KMT2E: variants seen among roughly 807,000 people sequenced by gnomAD.
KMT2E encodes the protein lysine methyltransferase 2E (inactive).
KMT2E carries 30 observed loss-of-function variants against 184.6 expected under a neutral mutation model. The observed-to-expected ratio is 0.16, with a 90% CI of 0.12 to 0.22. KMT2E has a LOEUF of 0.22. Among genes scored for constraint, KMT2E ranks in the 10% least tolerant of loss-of-function variants. The probability of loss-of-function intolerance (pLI) is 1.00; values close to 1 mark genes in which losing one functional copy is unlikely to be tolerated. For missense variants in KMT2E, 2,023 were observed against 2,237.4 expected, an observed-to-expected ratio of 0.90 and a Z score of 1.93; for synonymous variants, 815 against 776.5, an observed-to-expected ratio of 1.05 and a Z score of -0.82.
At chr7:105,060,034 C>G (rs527446778) in intron 3 of KMT2E, among the ~76,000 whole-genome samples, 1 of 105,930 alleles carries the variant, frequency 9.4e-6, no homozygotes, top group Non-Finnish European at 1.8e-5. Context: ...TTAACTCTGT[C>G]GCCCAGGCTG....
At chr7:105,031,013 TAGA>T (rs1407398792) in intron 1 of KMT2E, among the ~76,000 whole-genome samples, 3 of 152,106 alleles carry the variant, frequency 2.0e-5, no homozygotes, top group Non-Finnish European at 4.4e-5. Flanking sequence ...AAAGCATACT[TAGA>T]AGGAGATAGA....
chr7:105,070,318 A>C (rs143538250), intron 6 of KMT2E, among the ~76,000 whole-genome samples: 5 of 152,144 alleles, frequency 3.3e-5, no homozygotes, highest in African/African-American at 1.2e-4. Context: ...ATGTAGAAGT[A>C]ATCAGTAATT....
At chr7:105,079,030 C>T (rs779520943) in intron 12 of KMT2E, 67 bp downstream of exon 12, 2 of 831,494 alleles carry the variant, frequency 2.4e-6, no homozygotes, top group Non-Finnish European at 4.2e-6. Flanking sequence ...GAGCAATAAG[C>T]ACAAAACTCA....
chr7:105,063,936 A>T, intron 5 of KMT2E: 1 of 454,116 alleles, frequency 2.2e-6, no homozygotes, highest in Non-Finnish European at 4.4e-6. Flanking sequence ...GTGCTTAGTC[A>T]ACTGTGATTT....
chr7:105,101,385 A>G (rs769090506), intron 15 of KMT2E, 40 bp from the exon 16 acceptor site: 2 of 1,365,884 alleles, frequency 1.5e-6, no homozygotes, highest in Non-Finnish European at 2.0e-6. Flanking sequence ...ACTTTTGAGC[A>G]TTGATATTTA....
intron 17 of KMT2E, chr7:105,103,608 T>C (rs1435617223): frequency 6.6e-6 from 1 of 152,130 alleles, no homozygotes; most frequent in Non-Finnish European, 1.5e-5. Context: ...CTCCTGGCAG[T>C]CTGGCTCCAG....
intron 13 of KMT2E, among the ~76,000 whole-genome samples, chr7:105,087,017 A>G (rs1251481568): frequency 6.8e-6 from 1 of 146,946 alleles, no homozygotes; most frequent in Non-Finnish European, 1.5e-5. Flanking sequence ...GCAAATATAT[A>G]GCATATAATA....
intron 7 of KMT2E, 116 bp downstream of exon 7, chr7:105,073,793 G>C (rs1797425167): frequency 1.5e-6 from 1 of 651,354 alleles, no homozygotes; most frequent in African/African-American, 1.8e-5. Flanking sequence ...CCTTGTTGAT[G>C]AATGTTGATT....
At position 105,025,481 on chromosome 7, in the gene KMT2E, T is replaced by TC. The variant is rs1795141270; in HGVS notation, c.-189+10946_-189+10947insC. ...GATCACTATTTATAGTTTATGTATT[T>TC]TTTTCTAAAATGTTTTATGTAGGTA... On this transcript the variant is annotated intron_variant, in intron 1 of 26. Transcript: ENST00000311117. 4.6e-5 allele frequency among the ~76,000 whole-genome samples: 7 copies of TC among 152,186 alleles called. No individual in the cohort carries two copies. The South Asian group carries it at 1.4e-3, about 32-fold the overall frequency.
At chr7:105,075,578 AAT>A (rs1348361722) in intron 8 of KMT2E, among the ~76,000 whole-genome samples, 1 of 152,124 alleles carries the variant, frequency 6.6e-6, no homozygotes, top group Non-Finnish European at 1.5e-5. Flanking sequence ...TTTTATCAGA[AAT>A]ATTTTTCCAC....
chr7:105,025,888 A>G (rs1467784673), intron 1 of KMT2E, among the ~76,000 whole-genome samples: 1 of 152,208 alleles, frequency 6.6e-6, no homozygotes, highest in African/African-American at 2.4e-5. Context: ...GAAATCTAGA[A>G]GGAAGTCTAC....
At position 105,102,069 on chromosome 7, in the gene KMT2E, AATG is replaced by A. The variant is rs1480987782; in HGVS notation, c.2074_2076del (p.Asp692del). The stretch of plus-strand genomic sequence containing the variant: ...TGATATAGAAGTTACTTCACAACAA[AATG>A]ATATTGAAAATACTGTACTTACAAT... On this transcript the variant is annotated inframe_deletion, in exon 17 of 27. Transcript: ENST00000311117. 2 of 1,613,814 alleles carry A rather than the reference AATG, an allele frequency of 1.2e-6. No homozygotes were observed. Among genetic ancestry groups the A allele is most frequent in the African/African-American group, 2.7e-5 (2 of 74,916 alleles).
chr7:105,107,590 G>A lies in KMT2E; in HGVS notation c.3133G>A (p.Asp1045Asn). The A allele has an allele frequency of 6.2e-7, 1 of 1,614,112 alleles. No individual in the cohort carries two copies. Among genetic ancestry groups the A allele is most frequent in the Non-Finnish European group, 8.5e-7 (1 of 1,180,010 alleles). ...TAAAACCCTGGAAACGCCTGCACAT[G>A]ACAGGGCTGAGCCCAACAGCCAACT... ...LHKTLETPAHDRAEPNSQLDS... is the reference protein window; with the variant it reads ...LHKTLETPAHNRAEPNSQLDS... The change falls in exon 22 of 27, where the codon GAC becomes AAC. Residue 1045 changes from aspartate (D) to asparagine (N), a missense_variant. Physicochemically the swap from Asp to Asn is conservative, Grantham distance 23. Coordinates refer to ENST00000311117, the MANE Select transcript of KMT2E (RefSeq NM_182931.3).
intron 13 of KMT2E, among the ~76,000 whole-genome samples, chr7:105,083,592 G>T (rs1797844023): frequency 6.6e-6 from 1 of 152,158 alleles, no homozygotes; most frequent in Admixed American, 6.5e-5. Context: ...CAGCTTTATA[G>T]ATAAGGGCAG....
In KMT2E at chr7:105,112,016, C is replaced by T. The variant is rs763450733; in HGVS notation, c.4260C>T (p.His1420=). 66 of 1,614,060 alleles carry T rather than the reference C, an allele frequency of 4.1e-5. No individual in the cohort carries two copies. Among genetic ancestry groups the T allele is most frequent in the South Asian group, 7.7e-5 (7 of 91,080 alleles). The part of the protein sequence containing the change: ...ALSKNHPPQT[H]VRNSSEQLSQ... ...CAAAGAATCATCCTCCTCAGACACA[C>T]GTTCGTAATTCATCTGAGCAACTTT... The change falls in exon 27 of 27, where the codon CAC becomes CAT. Residue 1420 remains histidine (H), a synonymous_variant. Transcript: ENST00000311117.
intron 3 of KMT2E, among the ~76,000 whole-genome samples, chr7:105,048,888 A>G (rs766678392): frequency 1.1e-4 from 17 of 152,228 alleles, no homozygotes; most frequent in South Asian, 2.1e-4. Context: ...AATCTTGATA[A>G]TATACTGTTT....
Position 105,106,007 on chromosome 7 carries a change from G to C in KMT2E, c.2596+4G>C. On this transcript the variant is annotated splice_donor_region_variant and intron_variant, in intron 19 of 26. Transcript: ENST00000311117. Reference sequence around the variant, plus strand: ...AATGACAGCTGTTCCCTTCCAGGTAGAATTTTTTTTTCAGAGTTTTGGTTT... The same window carrying C: ...AATGACAGCTGTTCCCTTCCAGGTACAATTTTTTTTTCAGAGTTTTGGTTT... 6.3e-7 allele frequency: 1 copy of C among 1,597,106 alleles called. No individual in the cohort carries two copies. Among genetic ancestry groups the C allele is most frequent in the South Asian group, 1.1e-5 (1 of 87,682 alleles).
chr7:105,081,860 A>G, intron 13 of KMT2E, 63 bp downstream of exon 13: 1 of 702,502 alleles, frequency 1.4e-6, no homozygotes. Flanking sequence ...TCCCTGTAAT[A>G]ATTTAGGTAT....
In KMT2E at chr7:105,030,459, T is replaced by C. The variant is rs546137875; in HGVS notation, c.-188-7667T>C. Among the ~76,000 whole-genome samples the C allele has an allele frequency of 8.7e-4, 132 of 152,320 alleles. 1 individual carries two copies. Among genetic ancestry groups the C allele is most frequent in the African/African-American group, 3.1e-3 (127 of 41,566 alleles). On this transcript the variant is annotated intron_variant, in intron 1 of 26. Coordinates refer to ENST00000311117, the MANE Select transcript of KMT2E (RefSeq NM_182931.3). Reference sequence around the variant, plus strand: ...AAGACTTGCATAATCAAAGGAGTTATAGATTGGATTATTAGTATGGAACAA... The same window carrying C: ...AAGACTTGCATAATCAAAGGAGTTACAGATTGGATTATTAGTATGGAACAA...
Sources: gnomAD v4.1 joint callset for allele counts (sites outside exome capture counted in the v4.1 genomes callset) on GRCh38, gnomAD v4.1.1 for gene constraint, MANE v1.5 for transcripts, NCBI Gene and HGNC (gene_info 2026-07-23, HGNC 2026-07-21) for gene names.